The following HUS1 variants were observed in gnomAD, a reference collection of about 807,000 sequenced individuals.
HUS1 encodes HUS1 checkpoint clamp component, also known as checkpoint protein HUS1.
A neutral mutation model predicts 32.6 loss-of-function variants in HUS1; 31 were observed. That is an observed-to-expected ratio of 0.95 (90% CI 0.72 to 1.28). The LOEUF (loss-of-function observed/expected upper bound fraction) is 1.28. Among genes scored for constraint, HUS1 ranks in the 50% most tolerant of loss-of-function variants. The probability of loss-of-function intolerance (pLI) is 0.00; values close to 1 mark genes in which losing one functional copy is unlikely to be tolerated. For synonymous variants in HUS1, 123 were observed against 116.6 expected (o/e 1.06, Z -0.36); for missense variants, 340 against 337.7 (o/e 1.01, Z -0.05).
intron 5 of HUS1, among the ~76,000 whole-genome samples, chr7:47,973,827 T>A (rs1788645445): frequency 6.6e-6 from 1 of 152,222 alleles, no homozygotes; most frequent in Non-Finnish European, 1.5e-5. Flanking sequence ...TGCTGACTCA[T>A]TTTCATTGAA....
chr7:47,975,564 C>G (rs369515358), intron 5 of HUS1, 49 bp downstream of exon 5: 12 of 1,244,572 alleles, frequency 9.6e-6, no homozygotes, highest in Non-Finnish European at 4.7e-6. Flanking sequence ...GAACCCACGC[C>G]GTCCCACCAA....
In HUS1 at chr7:47,978,525, T is replaced by C; in HGVS notation, c.249A>G (p.Leu83=). The C allele has an allele frequency of 6.2e-7, 1 of 1,614,238 alleles. No individual in the cohort carries two copies. The highest frequency in any genetic ancestry group is 1.1e-5 in the South Asian group (1 of 91,088). The part of the protein sequence containing the change: ...SAENNEIYLE[L]TSENLSRALK... ...AGGCTCGAGATAAGTTTTCCGATGTTAGCTCTAAATAAATCTCATTGTTTT... is the reference window on the plus strand; with the variant it reads ...AGGCTCGAGATAAGTTTTCCGATGTCAGCTCTAAATAAATCTCATTGTTTT... The change falls in exon 3 of 8, where the codon CTA becomes CTG. Residue 83 remains leucine, a synonymous_variant. Coordinates refer to ENST00000258774, the MANE Select transcript of HUS1 (RefSeq NM_004507.4).
intron 2 of HUS1, 29 bp from the exon 3 acceptor site, chr7:47,978,622 A>G: frequency 1.2e-6 from 2 of 1,612,498 alleles, no homozygotes; most frequent in Non-Finnish European, 1.7e-6. Context: ...GGGATGAGGG[A>G]GGGTATATGT....
At chr7:47,975,720 T>G (rs1386543864) in intron 4 of HUS1, 33 bp from the exon 5 acceptor site, 1 of 1,261,844 alleles carries the variant, frequency 7.9e-7, no homozygotes. Context: ...GCACAAGTAT[T>G]AAAAATATTA....
chr7:47,976,329 C>T (rs2128766418), intron 4 of HUS1: 1 of 458,306 alleles, frequency 2.2e-6, no homozygotes, highest in East Asian at 6.9e-5. Context: ...TGACCGTTAC[C>T]CCATGTTAGC....
At chr7:47,966,465 C>T (rs1446585371) in intron 7 of HUS1, among the ~76,000 whole-genome samples, 1 of 152,134 alleles carries the variant, frequency 6.6e-6, no homozygotes, top group Non-Finnish European at 1.5e-5. Flanking sequence ...TTCAGAAAGT[C>T]CCCAAAATAC....
intron 5 of HUS1, chr7:47,971,609 G>A: frequency 2.2e-6 from 1 of 454,894 alleles, no homozygotes; most frequent in East Asian, 7.0e-5. Context: ...CCTCCTAAAA[G>A]AACCAGTACC....
At chr7:47,971,598 T>G in intron 5 of HUS1, 2 of 455,886 alleles carry the variant, frequency 4.4e-6, no homozygotes, top group Non-Finnish European at 8.8e-6. Context: ...CAATGAAATT[T>G]CCTCCTAAAA....
chr7:47,967,687 T>C (rs184721050), intron 7 of HUS1, 119 bp downstream of exon 7: 282 of 1,012,628 alleles, frequency 2.8e-4, no homozygotes, highest in Admixed American at 1.3e-3. Flanking sequence ...GTCCACATAA[T>C]TGAGCTTTTT....
At chr7:47,979,423 C>T in intron 1 of HUS1, 45 bp downstream of exon 1, 1 of 1,611,490 alleles carries the variant, frequency 6.2e-7, no homozygotes, top group Non-Finnish European at 8.5e-7. Context: ...GCGCTCACTG[C>T]TTCCTTCCGT....
rs749261354 is a variant in HUS1 at position 47,967,841 on chromosome 7, G to T, written c.725C>A (p.Ala242Asp). The T allele has an allele frequency of 6.2e-7, 1 of 1,613,918 alleles. No individual in the cohort carries two copies. The highest frequency in any genetic ancestry group is 1.1e-5 in the South Asian group (1 of 91,052). Residue 242 changes from alanine (A) to aspartate (D), a missense_variant, in exon 7 of 8, where the codon GCT becomes GAT. Transcript: ENST00000258774. ...CTTTGTGGGATTTACTTGTTGTCCA[G>T]CAAGAAACTGTAGGAGCTTCCTAAT... The part of the protein sequence containing the change: ...IDIRKLLQFL[A>D]GQQVNPTKAL...
intron 6 of HUS1, chr7:47,968,930 T>G (rs994015801): frequency 3.6e-6 from 1 of 277,974 alleles, no homozygotes; most frequent in African/African-American, 2.2e-5. Context: ...AGGAATTGAA[T>G]AGCTGGAAGG....
intron 4 of HUS1, 151 bp downstream of exon 4, chr7:47,976,579 C>T: frequency 1.5e-6 from 1 of 650,114 alleles, no homozygotes. Flanking sequence ...TTTTAAGATG[C>T]TTTATGTAAA....
chr7:47,966,618 T>C (rs1788484441), intron 7 of HUS1, among the ~76,000 whole-genome samples: 1 of 152,152 alleles, frequency 6.6e-6, no homozygotes, highest in Admixed American at 6.5e-5. Context: ...GTACAGGAGC[T>C]TGGGAGAAGT....
chr7:47,977,770 T>C lies in HUS1; in HGVS notation c.357+647A>G, dbSNP rs1278351114. On this transcript the variant is annotated intron_variant, in intron 3 of 7. Coordinates refer to ENST00000258774, the MANE Select transcript of HUS1 (RefSeq NM_004507.4). ...TTAGCTGGGTGTGGTGGTGGGTGCC[T>C]GTAATTCCAGCTACTCAGGAGGCTG... Among the ~76,000 whole-genome samples the C allele has an allele frequency of 3.3e-5, 5 of 152,254 alleles. No individual in the cohort carries two copies. In the East Asian group the frequency reaches 9.7e-4, roughly 29 times the overall value.
In HUS1 at chr7:47,965,015, A is replaced by G. The variant is rs547974016; in HGVS notation, c.*341T>C. 2.6e-4 allele frequency: 57 copies of G among 219,122 alleles called. No homozygotes were observed. The highest frequency in any genetic ancestry group is 1.3e-3 in the African/African-American group (56 of 44,502). The allele number at this position is 219,122 out of a possible 1,614,324, so 13.6% of individuals were successfully genotyped here. A position where few individuals can be genotyped will look rare whatever the true frequency, so the allele number is the denominator to read the frequency against. ...GAGGGAAAGTACCAAGCTCCCAGGC[A>G]ACAGCTTTACGAATTCTGGCTACTA... On this transcript the variant is annotated 3_prime_UTR_variant, in exon 8 of 8. Coordinates refer to ENST00000258774, the MANE Select transcript of HUS1 (RefSeq NM_004507.4).
At chr7:47,970,587 G>A (rs3176565) in intron 5 of HUS1, among the ~76,000 whole-genome samples, 15,028 of 152,172 alleles carry the variant, frequency 0.099, 881 homozygotes, top group South Asian at 0.2. Flanking sequence ...GAAAAACAAA[G>A]CACTGGAAAA....
In HUS1 at chr7:47,966,364, C is replaced by T. The variant is rs140499396; in HGVS notation, c.761-926G>A. On this transcript the variant is annotated intron_variant, in intron 7 of 7. Transcript: ENST00000258774. Reference sequence around the variant, plus strand: ...TGCTGGTCTTCCTTTCTCTGCTACACGTGGAGACACCAAAGTGAATGTTGG... The same window carrying T: ...TGCTGGTCTTCCTTTCTCTGCTACATGTGGAGACACCAAAGTGAATGTTGG... Among the ~76,000 whole-genome samples, 105 of 152,316 alleles carry T rather than the reference C, an allele frequency of 6.9e-4. 1 individual carries two copies. The East Asian group carries it at 0.02, about 29-fold the overall frequency.
In HUS1 at chr7:47,963,951, A is replaced by C. The variant is rs919411473; in HGVS notation, c.*1405T>G. On this transcript the variant is annotated 3_prime_UTR_variant, in exon 8 of 8. Transcript: ENST00000258774. ...AAACAAAAAACCATTACTAAACATC[A>C]AAAGAATCATTCAAATACACTGGTT... 6.6e-6 allele frequency: 1 copy of C among 152,122 alleles called. No homozygotes were observed. The highest frequency in any genetic ancestry group is 2.4e-5 in the African/African-American group (1 of 41,436). The allele number at this position is 152,122 out of a possible 1,614,324, so 9.4% of individuals were successfully genotyped here.
Sources: gnomAD v4.1 joint callset for allele counts (sites outside exome capture counted in the v4.1 genomes callset) on GRCh38, gnomAD v4.1.1 for gene constraint, MANE v1.5 for transcripts, NCBI Gene and HGNC (gene_info 2026-07-23, HGNC 2026-07-21) for gene names.